Variants in ARFIP1 observed in about 807,000 individuals in gnomAD.
ARFIP1 encodes ARF interacting protein 1.
In ARFIP1, 24 loss-of-function variants were observed where a neutral mutation model predicts 42.5. The ratio of observed to expected loss-of-function variants is 0.57; its 90% CI spans 0.41 to 0.80. The LOEUF (loss-of-function observed/expected upper bound fraction) is 0.80, where lower values mean the gene tolerates loss of function less well. Ranked by LOEUF, ARFIP1 falls within the 30% of genes least tolerant of loss-of-function variation. The pLI, the probability that ARFIP1 is intolerant of heterozygous loss-of-function variation, is 0.00. For synonymous variants in ARFIP1, 141 were observed against 153.7 expected (o/e 0.92, Z 0.61); for missense variants, 354 against 434.0 (o/e 0.82, Z 1.64).
intron 1 of ARFIP1, among the ~76,000 whole-genome samples, chr4:152,815,945 C>T (rs931306810): frequency 4.0e-5 from 6 of 151,814 alleles, no homozygotes; most frequent in African/African-American, 9.7e-5. Flanking sequence ...GGGGTTTCAC[C>T]GTTTTAGCCG....
At chr4:152,818,065 A>G (rs1578862163) in intron 1 of ARFIP1, among the ~76,000 whole-genome samples, 2 of 152,346 alleles carry the variant, frequency 1.3e-5, no homozygotes, top group East Asian at 3.9e-4. Context: ...AAAAAATTAA[A>G]AATAGTTCTT....
intron 7 of ARFIP1, 91 bp from the exon 8 acceptor site, chr4:152,888,039 ATAG>A: frequency 1.2e-6 from 1 of 839,280 alleles, no homozygotes; most frequent in South Asian, 2.6e-5. Context: ...ATTTTATTGT[ATAG>A]TATGAGACTG....
At chr4:152,809,915 C>T (rs1222548026) in intron 1 of ARFIP1, among the ~76,000 whole-genome samples, 2 of 152,118 alleles carry the variant, frequency 1.3e-5, no homozygotes, top group Non-Finnish European at 2.9e-5. Context: ...TTGATCTTCT[C>T]CTTTAACATG....
rs1578930962 is a variant in ARFIP1, at chr4:152,850,692, T to C, written c.94-12914T>C. ...CACAGCTAAGAGCAATCTGCATTTT[T>C]AACAGGATCCTCAGGTGATTCCTAC... is the stretch of plus-strand genomic sequence containing the variant. On this transcript the variant is annotated intron_variant, in intron 2 of 8. Coordinates refer to ENST00000353617, the MANE Select transcript of ARFIP1 (RefSeq NM_001025595.3). 4 of 152,354 alleles carry C rather than the reference T, an allele frequency of 2.6e-5. No homozygotes were observed. In the South Asian group the frequency reaches 8.3e-4, roughly 32 times the overall value. 9.4% of individuals were successfully genotyped at this position (152,354 alleles called of 1,614,324 possible).
chr4:152,907,607 C>T (rs1165893887), intron 8 of ARFIP1, among the ~76,000 whole-genome samples: 1 of 152,114 alleles, frequency 6.6e-6, no homozygotes, highest in Non-Finnish European at 1.5e-5. Context: ...ATGAATATAT[C>T]ATTCAGTTTG....
At chr4:152,846,331 C>T (rs185199930) in intron 2 of ARFIP1, among the ~76,000 whole-genome samples, 13 of 152,260 alleles carry the variant, frequency 8.5e-5, no homozygotes, top group Middle Eastern at 3.4e-3. Context: ...CAAACCTGCA[C>T]ATGTAACCCC....
In ARFIP1 at chr4:152,796,094, T is replaced by C. The variant is rs1731452446; in HGVS notation, c.-10+15868T>C. On this transcript the variant is annotated intron_variant, in intron 1 of 8. Transcript: ENST00000353617. ...CAGTAAGACTGCATTTATGCATCCA[T>C]CATTTTCAGGATTGTTGATAACCTG... is the stretch of plus-strand genomic sequence containing the variant. 4.0e-6 allele frequency: 3 copies of C among 745,606 alleles called. No homozygotes were observed. In the South Asian group the frequency reaches 4.1e-5, roughly 10 times the overall value. 46.2% of individuals were successfully genotyped at this position (745,606 alleles called of 1,614,324 possible).
chr4:152,863,326 A>G (rs1734037997), intron 2 of ARFIP1, among the ~76,000 whole-genome samples: 1 of 152,202 alleles, frequency 6.6e-6, no homozygotes, highest in Non-Finnish European at 1.5e-5. Context: ...TATCAGTAAG[A>G]TTAAAATTTT....
At chr4:152,793,275 G>A (rs1313187918) in intron 1 of ARFIP1, among the ~76,000 whole-genome samples, 1 of 146,612 alleles carries the variant, frequency 6.8e-6, no homozygotes, top group East Asian at 2.0e-4. Flanking sequence ...TAGCACCATC[G>A]TACTCCAGCC....
intron 8 of ARFIP1, among the ~76,000 whole-genome samples, chr4:152,889,545 T>G (rs1187265938): frequency 4.1e-5 from 5 of 120,976 alleles, no homozygotes; most frequent in South Asian, 2.6e-4. Context: ...ACACCTATTT[T>G]TGTGTGTGTG....
In ARFIP1 at chr4:152,904,896, G is replaced by T. The variant is rs1309954466; in HGVS notation, c.967-5168G>T. Among the ~76,000 whole-genome samples the T allele has an allele frequency of 4.0e-5, 6 of 151,814 alleles. No homozygotes were observed. The East Asian group carries it at 5.8e-4, about 15-fold the overall frequency. ...TTATAATAGAATGATTTATATTTTT[G>T]GGGGGGTATATACCCAGTAATGGGA... On this transcript the variant is annotated intron_variant, in intron 8 of 8. Coordinates refer to ENST00000353617, the MANE Select transcript of ARFIP1 (RefSeq NM_001025595.3).
At chr4:152,845,466 A>G (rs1387519762) in intron 2 of ARFIP1, among the ~76,000 whole-genome samples, 3 of 152,164 alleles carry the variant, frequency 2.0e-5, no homozygotes, top group African/African-American at 7.2e-5. Flanking sequence ...TGACAAAGGT[A>G]TAATATCCAG....
At chr4:152,819,225 A>G (rs937247521) in intron 1 of ARFIP1, among the ~76,000 whole-genome samples, 1 of 152,310 alleles carries the variant, frequency 6.6e-6, no homozygotes, top group Non-Finnish European at 1.5e-5. Context: ...CCGTTACAGC[A>G]TCTGCAGGCA....
rs1439677453 is a variant in ARFIP1, at chr4:152,912,042, A to G, written c.*1823A>G. 1 of 152,156 alleles carries G rather than the reference A, an allele frequency of 6.6e-6. No homozygotes were observed. Among genetic ancestry groups the G allele is most frequent in the Non-Finnish European group, 1.5e-5 (1 of 67,908 alleles). 9.4% of individuals were successfully genotyped at this position (152,156 alleles called of 1,614,324 possible). On this transcript the variant is annotated 3_prime_UTR_variant, in exon 9 of 9. Transcript: ENST00000353617. ...TATAATTGTTTTAGCTCAGTAAGCT[A>G]TTTTTTTTCAATGTGAATCTCTTTT...
chr4:152,824,989 A>G (rs956689799), intron 1 of ARFIP1, among the ~76,000 whole-genome samples: 1 of 151,790 alleles, frequency 6.6e-6, no homozygotes, highest in Non-Finnish European at 1.5e-5. Flanking sequence ...ACACACACAC[A>G]CACATACATA....
intron 2 of ARFIP1, among the ~76,000 whole-genome samples, chr4:152,833,169 T>C (rs951130000): frequency 6.6e-6 from 1 of 151,576 alleles, no homozygotes; most frequent in African/African-American, 2.4e-5. Flanking sequence ...ATCCAAAATA[T>C]GTAAAGAACT....
chr4:152,859,190 T>C (rs977660194), intron 2 of ARFIP1, among the ~76,000 whole-genome samples: 3 of 152,160 alleles, frequency 2.0e-5, no homozygotes, highest in Admixed American at 2.0e-4. Context: ...CCCTTCCAAG[T>C]AGCTAGGACT....
intron 8 of ARFIP1, among the ~76,000 whole-genome samples, chr4:152,895,842 G>A (rs1040244640): frequency 1.4e-4 from 22 of 152,188 alleles, no homozygotes; most frequent in African/African-American, 2.2e-4. Context: ...GATTATAGGC[G>A]TGAGCTGCCA....
At chr4:152,905,545 GTTTT>G (rs59608457) in intron 8 of ARFIP1, among the ~76,000 whole-genome samples, 23 of 30,376 alleles carry the variant, frequency 7.6e-4, no homozygotes, top group South Asian at 3.8e-3. Flanking sequence ...TGTAAGAATT[GTTTT>G]TTTTTTTTTT....
Sources: allele counts gnomAD v4.1 joint callset (sites outside exome capture counted in the v4.1 genomes callset), GRCh38; gene constraint gnomAD v4.1.1; transcripts MANE v1.5; gene names NCBI Gene and HGNC (gene_info 2026-07-23, HGNC 2026-07-21).